Variants in FKBP5 observed in about 807,000 individuals in gnomAD.
FKBP5 encodes the protein peptidyl-prolyl cis-trans isomerase FKBP5.
In FKBP5, 23 loss-of-function variants were observed where a neutral mutation model predicts 50.5. The ratio of observed to expected loss-of-function variants is 0.46; its 90% CI spans 0.33 to 0.65. FKBP5 has a LOEUF of 0.65. Ranked by LOEUF, FKBP5 falls within the 30% of genes least tolerant of loss-of-function variation. The pLI, the probability that FKBP5 is intolerant of heterozygous loss-of-function variation, is 0.02. For missense variants in FKBP5, 411 were observed against 553.1 expected, an observed-to-expected ratio of 0.74 and a Z score of 2.58; for synonymous variants, 176 against 190.6, an observed-to-expected ratio of 0.92 and a Z score of 0.63.
chr6:35,652,590 C>T (rs1471579081), intron 1 of FKBP5, among the ~76,000 whole-genome samples: 1 of 152,134 alleles, frequency 6.6e-6, no homozygotes, highest in Admixed American at 6.5e-5. Context: ...AGGAAATTCC[C>T]GCCTAATAAA....
At chr6:35,704,209 C>T (rs1201229733) in intron 2 of FKBP5, among the ~76,000 whole-genome samples, 1 of 152,162 alleles carries the variant, frequency 6.6e-6, no homozygotes, top group South Asian at 2.1e-4. Flanking sequence ...GTTTATACTT[C>T]TATAGAGAAG....
rs576559342 is a variant in FKBP5 at position 35,605,919 on chromosome 6, A to C, written c.509-8515T>G. On this transcript the variant is annotated intron_variant, in intron 5 of 10. Transcript: ENST00000357266. Reference sequence around the variant, plus strand: ...TCTCACCATATACAAAAACAAACTCAAGATGGATTAAAGGCTTAAATGTAA... The same window carrying C: ...TCTCACCATATACAAAAACAAACTCCAGATGGATTAAAGGCTTAAATGTAA... 6.6e-5 allele frequency among the ~76,000 whole-genome samples: 10 copies of C among 152,356 alleles called. No individual in the cohort carries two copies. In the East Asian group the frequency reaches 1.7e-3, roughly 26 times the overall value.
Position 35,637,674 on chromosome 6 carries a change from G to A in FKBP5, c.106-516C>T, listed in dbSNP as rs191495853. 2.2e-4 allele frequency among the ~76,000 whole-genome samples: 33 copies of A among 152,088 alleles called. No homozygotes were observed. The East Asian group carries it at 6.0e-3, about 28-fold the overall frequency. On this transcript the variant is annotated intron_variant, in intron 2 of 10. Transcript: ENST00000357266. ...AGATGGGGTTTCACCATGTTGGCCA[G>A]GCTGGTCTCGAACTCCTGACCTCGT...
At chr6:35,625,937 T>G (rs1318575021) in intron 3 of FKBP5, among the ~76,000 whole-genome samples, 4 of 150,968 alleles carry the variant, frequency 2.6e-5, no homozygotes, top group Non-Finnish European at 5.9e-5. Flanking sequence ...TAGCCACCAC[T>G]CCTGGCTAAT....
At chr6:35,609,017 T>TGG (rs1179753696) in intron 5 of FKBP5, among the ~76,000 whole-genome samples, 2 of 152,170 alleles carry the variant, frequency 1.3e-5, no homozygotes, top group Non-Finnish European at 2.9e-5. Context: ...AGGCTGGTCT[T>TGG]GAACTCCTGG....
rs552706624 is a variant in FKBP5, at chr6:35,659,645, T to C, written c.-19-16802A>G. Among the ~76,000 whole-genome samples the C allele has an allele frequency of 2.3e-5, 2 of 85,488 alleles. 1 individual carries two copies. Among genetic ancestry groups the C allele is most frequent in the African/African-American group, 7.2e-5 (2 of 27,742 alleles). The allele number at this position is 85,488 out of a possible 152,430, so 56.1% of individuals were successfully genotyped here. On this transcript the variant is annotated intron_variant, in intron 1 of 10. Transcript: ENST00000357266. ...TTTCAAGGAATTTGCACATTTCATC[T>C]AGCTGTCTAATGTATTACTATAAAG...
At chr6:35,596,572 C>CA in intron 6 of FKBP5, among the ~76,000 whole-genome samples, 1 of 152,144 alleles carries the variant, frequency 6.6e-6, no homozygotes, top group South Asian at 2.1e-4. Flanking sequence ...CTCATGCAGA[C>CA]AAAATCAAAA....
At chr6:35,651,574 T>G (rs535186470) in intron 1 of FKBP5, among the ~76,000 whole-genome samples, 220 of 152,340 alleles carry the variant, frequency 1.4e-3, no homozygotes, top group African/African-American at 4.8e-3. Context: ...TAAAAAGTAC[T>G]GTTGCAGTTA....
At chr6:35,704,266 A>G (rs1766240428) in intron 2 of FKBP5, among the ~76,000 whole-genome samples, 1 of 152,220 alleles carries the variant, frequency 6.6e-6, no homozygotes, top group Non-Finnish European at 1.5e-5. Context: ...AGACTCACAG[A>G]CAAGTAATTG....
At chr6:35,704,575 C>T (rs1405188707) in intron 2 of FKBP5, among the ~76,000 whole-genome samples, 4 of 140,108 alleles carry the variant, frequency 2.9e-5, no homozygotes, top group African/African-American at 5.6e-5. Context: ...GGAGAAAGCC[C>T]GATAGCTTGT....
At chr6:35,651,932 T>G in intron 1 of FKBP5, 1 of 1,038,782 alleles carries the variant, frequency 9.6e-7, no homozygotes, top group South Asian at 1.9e-5. Context: ...TTGATACATA[T>G]AAGAAGGTGT....
chr6:35,606,381 G>A (rs1304795867), intron 5 of FKBP5, among the ~76,000 whole-genome samples: 1 of 152,022 alleles, frequency 6.6e-6, no homozygotes, highest in Non-Finnish European at 1.5e-5. Flanking sequence ...GTCAAGGCCG[G>A]GCGCTGTGAC....
At chr6:35,724,258 G>A (rs1245219506) in intron 1 of FKBP5, among the ~76,000 whole-genome samples, 1 of 152,136 alleles carries the variant, frequency 6.6e-6, no homozygotes, top group Non-Finnish European at 1.5e-5. Flanking sequence ...ATACAACCAG[G>A]AAGTTTATTC....
At chr6:35,693,410 G>C (rs899730142), upstream of FKBP5, among the ~76,000 whole-genome samples, 4 of 151,958 alleles carry the variant, frequency 2.6e-5, no homozygotes, top group East Asian at 7.7e-4. Flanking sequence ...TGATCCGCCC[G>C]CCTCGGCCTC....
intron 3 of FKBP5, among the ~76,000 whole-genome samples, chr6:35,632,602 A>G (rs759748208): frequency 7.2e-5 from 11 of 152,112 alleles, no homozygotes; most frequent in Admixed American, 1.3e-4. Context: ...AAAAGATGGT[A>G]CGGCTAGCCA....
At chr6:35,671,100 C>CA (rs1273148692) in intron 1 of FKBP5, among the ~76,000 whole-genome samples, 3 of 151,708 alleles carry the variant, frequency 2.0e-5, no homozygotes, top group African/African-American at 4.8e-5. Flanking sequence ...CCTGTCTCCA[C>CA]AAAAAATAGA....
rs941107659 is a variant in FKBP5 at position 35,576,919 on chromosome 6, T to A, written c.1266+75A>T. 8 of 1,543,434 alleles carry A rather than the reference T, an allele frequency of 5.2e-6. No homozygotes were observed. In the African/African-American group the frequency reaches 1.1e-4, roughly 21 times the overall value. ...TCTTGAGCCTCTTGGGTTGTTTAGC[T>A]GTTCCTGTCCCCTAAAATCAAAGGG... On this transcript the variant is annotated intron_variant, in intron 10 of 10. Transcript: ENST00000357266.
intron 1 of FKBP5, among the ~76,000 whole-genome samples, chr6:35,645,127 T>A (rs1764595554): frequency 6.6e-6 from 1 of 152,230 alleles, no homozygotes; most frequent in African/African-American, 2.4e-5. Flanking sequence ...CCTAATATGA[T>A]GTAGTGATGT....
intron 5 of FKBP5, among the ~76,000 whole-genome samples, chr6:35,609,172 AATT>A (rs1006454902): frequency 1.3e-5 from 2 of 151,926 alleles, no homozygotes; most frequent in African/African-American, 4.8e-5. Context: ...CCAATATGGA[AATT>A]ATTTTTTTTT....
Sources: allele counts gnomAD v4.1 joint callset (sites outside exome capture counted in the v4.1 genomes callset), GRCh38; gene constraint gnomAD v4.1.1; transcripts MANE v1.5; gene names NCBI Gene and HGNC (gene_info 2026-07-23, HGNC 2026-07-21).